FYB1: variants seen among roughly 807,000 people sequenced by gnomAD.
FYB1 encodes FYN-binding protein 1.
A neutral mutation model predicts 94.1 loss-of-function variants in FYB1; 41 were observed. The observed-to-expected ratio is 0.44, with a 90% CI of 0.34 to 0.57. FYB1 has a LOEUF of 0.57. FYB1 is among the 20% of genes least tolerant of loss of function. FYB1 has a pLI of 0.02. For synonymous variants in FYB1, 367 were observed against 353.2 expected (o/e 1.04, Z -0.44); for missense variants, 1,050 against 976.8 (o/e 1.07, Z -1.00).
At chr5:39,210,035 G>C (rs143030264) in intron 1 of FYB1, among the ~76,000 whole-genome samples, 2 of 152,236 alleles carry the variant, frequency 1.3e-5, no homozygotes, top group African/African-American at 2.4e-5. Context: ...CTTGACTCTC[G>C]CCGCAAATTA....
chr5:39,209,430 G>C (rs532124305), intron 1 of FYB1, among the ~76,000 whole-genome samples: 2 of 151,520 alleles, frequency 1.3e-5, no homozygotes, highest in African/African-American at 4.9e-5. Context: ...GGGTTCAAGC[G>C]ATTCTCGTGC....
At chr5:39,153,629 A>G in intron 2 of FYB1, 25 bp from the exon 3 acceptor site, 1 of 1,580,222 alleles carries the variant, frequency 6.3e-7, no homozygotes, top group East Asian at 2.3e-5. Context: ...AAACAATACC[A>G]TGAATTAAGA....
chr5:39,153,074 TA>T (rs1326520890), intron 3 of FYB1, among the ~76,000 whole-genome samples: 1 of 150,770 alleles, frequency 6.6e-6, no homozygotes, highest in Non-Finnish European at 1.5e-5. Flanking sequence ...AAGCAGTCAG[TA>T]AAAATATGGT....
chr5:39,195,914 G>A lies in FYB1; in HGVS notation c.1135+5912C>T, dbSNP rs148439429. ...TATTTTGGGTTTTTTTAAAAAAAAC[G>A]TTTAGTCTTTTGTAACCTTAAATTG... On this transcript the variant is annotated intron_variant, in intron 2 of 18. Transcript: ENST00000512982. Among the ~76,000 whole-genome samples, 400 of 152,028 alleles carry A rather than the reference G, an allele frequency of 2.6e-3. 4 individuals carry two copies. The highest frequency in any genetic ancestry group is 0.015 in the South Asian group (72 of 4,822).
chr5:39,186,557 T>C (rs1190011953), intron 2 of FYB1, among the ~76,000 whole-genome samples: 1 of 150,616 alleles, frequency 6.6e-6, no homozygotes, highest in Non-Finnish European at 1.5e-5. Context: ...TACAAGAGGA[T>C]CAAGTTGATG....
At chr5:39,221,693 G>A (rs893169527), upstream of FYB1, among the ~76,000 whole-genome samples, 14 of 152,200 alleles carry the variant, frequency 9.2e-5, no homozygotes, top group Non-Finnish European at 1.9e-4. Flanking sequence ...CTCTCAGATG[G>A]CCAAAACAAA....
At chr5:39,244,801 A>G (rs1455333685) in intron 1 of FYB1, among the ~76,000 whole-genome samples, 1 of 152,182 alleles carries the variant, frequency 6.6e-6, no homozygotes, top group East Asian at 1.9e-4. Flanking sequence ...GCTATTAATT[A>G]TTGCCTCAAT....
At chr5:39,201,303 G>A (rs1369549043) in intron 2 of FYB1, among the ~76,000 whole-genome samples, 1 of 152,134 alleles carries the variant, frequency 6.6e-6, no homozygotes, top group African/African-American at 2.4e-5. Flanking sequence ...GGCCATTGTA[G>A]GATGTTCAAT....
chr5:39,168,551 G>C (rs1352532489), intron 2 of FYB1, among the ~76,000 whole-genome samples: 1 of 152,128 alleles, frequency 6.6e-6, no homozygotes, highest in Non-Finnish European at 1.5e-5. Context: ...TCAATTGCAT[G>C]TAAAGATACC....
In FYB1 at chr5:39,107,046, T is replaced by G. The variant is rs1292697402; in HGVS notation, c.*397A>C. The G allele has an allele frequency of 6.5e-6, 1 of 153,274 alleles. No homozygotes were observed. Among genetic ancestry groups the G allele is most frequent in the Non-Finnish European group, 1.5e-5 (1 of 68,782 alleles). 9.5% of individuals were successfully genotyped at this position (153,274 alleles called of 1,614,324 possible). Reference sequence around the variant, plus strand: ...CTTGTGGAATGTTTTTAAATTTCCTTTCTTATATTATTATTCTTCCTTAGG... The same window carrying G: ...CTTGTGGAATGTTTTTAAATTTCCTGTCTTATATTATTATTCTTCCTTAGG... On this transcript the variant is annotated 3_prime_UTR_variant, in exon 19 of 19. Coordinates refer to ENST00000512982, the MANE Select transcript of FYB1 (RefSeq NM_001465.6).
upstream of FYB1, among the ~76,000 whole-genome samples, chr5:39,223,928 C>T (rs549846597): frequency 5.9e-5 from 9 of 152,306 alleles, no homozygotes; most frequent in Admixed American, 3.9e-4. Flanking sequence ...ACACTCCCCT[C>T]TTCTCCAGGT....
chr5:39,167,344 A>G (rs1193401454), intron 2 of FYB1, among the ~76,000 whole-genome samples: 2 of 152,042 alleles, frequency 1.3e-5, no homozygotes, highest in East Asian at 3.9e-4. Flanking sequence ...TACATGACTC[A>G]TTTCTGGAAG....
chr5:39,261,885 A>G (rs1171126309), intron 1 of FYB1, among the ~76,000 whole-genome samples: 2 of 152,232 alleles, frequency 1.3e-5, no homozygotes, highest in Admixed American at 1.3e-4. Flanking sequence ...AGGAGGCATT[A>G]GAAAGTGATG....
chr5:39,227,806 C>T (rs1436615934), intron 1 of FYB1, among the ~76,000 whole-genome samples: 1 of 152,168 alleles, frequency 6.6e-6, no homozygotes, highest in East Asian at 1.9e-4. Flanking sequence ...TAATAACACG[C>T]ATAAAGCTTT....
At chr5:39,125,915 T>C (rs2150296835) in intron 12 of FYB1, 83 bp downstream of exon 12, 2 of 1,362,656 alleles carry the variant, frequency 1.5e-6, no homozygotes, top group Admixed American at 4.4e-5. Flanking sequence ...AATTTGGTTA[T>C]TGGTTATAGA....
rs115568687 is a variant in FYB1, at chr5:39,267,132, T to C, written c.-28+7271A>G. On this transcript the variant is annotated intron_variant, in intron 1 of 1. Coordinates refer to the FYB1 transcript ENST00000510188. ...GAATAGGAATAACTATTTGCAGGAATTGTTAGAGGAATTTAATGAGATAGT... is the reference window on the plus strand; with the variant it reads ...GAATAGGAATAACTATTTGCAGGAACTGTTAGAGGAATTTAATGAGATAGT... 7.8e-3 allele frequency among the ~76,000 whole-genome samples: 1,193 copies of C among 152,264 alleles called. 13 individuals are homozygous for C. Among genetic ancestry groups the C allele is most frequent in the Non-Finnish European group, 0.013 (878 of 68,016 alleles).
At chr5:39,111,512 A>G (rs1028240918) in intron 16 of FYB1, among the ~76,000 whole-genome samples, 1 of 151,990 alleles carries the variant, frequency 6.6e-6, no homozygotes, top group African/African-American at 2.4e-5. Flanking sequence ...TGGAATCATA[A>G]AACTGAATTT....
At chr5:39,176,764 A>G (rs1330952062) in intron 2 of FYB1, among the ~76,000 whole-genome samples, 1 of 152,262 alleles carries the variant, frequency 6.6e-6, no homozygotes, top group Admixed American at 6.5e-5. Context: ...AAATAAAAAT[A>G]GCAACACAAC....
chr5:39,273,964 C>T (rs182243370), intron 1 of FYB1, among the ~76,000 whole-genome samples: 1 of 151,778 alleles, frequency 6.6e-6, no homozygotes, highest in African/African-American at 2.4e-5. Context: ...TTGCTCTGTC[C>T]CCCAGGCTAG....
Sources: allele counts gnomAD v4.1 joint callset (sites outside exome capture counted in the v4.1 genomes callset), GRCh38; gene constraint gnomAD v4.1.1; transcripts MANE v1.5; gene names NCBI Gene and HGNC (gene_info 2026-07-23, HGNC 2026-07-21).